Variants in NUBPL observed in about 807,000 individuals in gnomAD.
The protein encoded by NUBPL is NUBP iron-sulfur cluster assembly factor, mitochondrial, also known as iron-sulfur cluster transfer protein NUBPL.
In NUBPL, 31 loss-of-function variants were observed where a neutral mutation model predicts 45.7. The observed-to-expected ratio is 0.68, with a 90% CI of 0.51 to 0.92. The LOEUF (loss-of-function observed/expected upper bound fraction) is 0.92. Among genes scored for constraint, NUBPL ranks in the 40% least tolerant of loss-of-function variants. NUBPL has a pLI of 0.00. For synonymous variants in NUBPL, 144 were observed against 140.9 expected (o/e 1.02, Z -0.15); for missense variants, 401 against 398.7 (o/e 1.01, Z -0.05).
chr14:31,667,006 T>C (rs181247230), intron 4 of NUBPL, among the ~76,000 whole-genome samples: 103 of 152,250 alleles, frequency 6.8e-4, no homozygotes, highest in Admixed American at 2.0e-3. Flanking sequence ...ATTTCAACCT[T>C]GGTGAATCTG....
At chr14:31,623,642 G>A (rs2035128113) in intron 4 of NUBPL, among the ~76,000 whole-genome samples, 1 of 152,164 alleles carries the variant, frequency 6.6e-6, no homozygotes, top group African/African-American at 2.4e-5. Context: ...CTTCTGCTAT[G>A]ATTGTAAGTT....
At chr14:31,608,746 A>G (rs1228445988) in intron 4 of NUBPL, among the ~76,000 whole-genome samples, 1 of 152,116 alleles carries the variant, frequency 6.6e-6, no homozygotes, top group Admixed American at 6.5e-5. Context: ...GCTGCCACTG[A>G]TCTGACAGGA....
intron 4 of NUBPL, among the ~76,000 whole-genome samples, chr14:31,614,684 G>A (rs1006824231): frequency 6.6e-6 from 1 of 152,098 alleles, no homozygotes; most frequent in Non-Finnish European, 1.5e-5. Flanking sequence ...CATTATTTCT[G>A]TTTATTTAGT....
intron 10 of NUBPL, among the ~76,000 whole-genome samples, chr14:31,856,596 TTACTTCCTAGA>T (rs1415331594): frequency 1.3e-5 from 2 of 152,212 alleles, no homozygotes; most frequent in Non-Finnish European, 2.9e-5. Flanking sequence ...AGCAAGTTAG[TTACTTCCTAGA>T]TACAGTGGGG....
intron 7 of NUBPL, among the ~76,000 whole-genome samples, chr14:31,809,778 A>T (rs560959909): frequency 6.6e-6 from 1 of 152,152 alleles, no homozygotes; most frequent in East Asian, 1.9e-4. Context: ...CCCTCTACAC[A>T]CTGCTTTAAA....
chr14:31,599,223 G>C, intron 3 of NUBPL, 66 bp from the exon 4 acceptor site: 4 of 1,208,270 alleles, frequency 3.3e-6, no homozygotes, highest in Non-Finnish European at 4.9e-6. Flanking sequence ...CCTTTGAGAA[G>C]AGTGGGAACA....
In NUBPL at chr14:31,831,468, T is replaced by TATACCATACCATACCATACCATACC. The variant is rs139348463; in HGVS notation, c.693+4779_693+4803dup. Among the ~76,000 whole-genome samples the TATACCATACCATACCATACCATACC allele has an allele frequency of 9.2e-3, 1,311 of 143,152 alleles. 13 individuals are homozygous for TATACCATACCATACCATACCATACC. Among genetic ancestry groups the TATACCATACCATACCATACCATACC allele is most frequent in the South Asian group, 0.01 (43 of 4,218 alleles). The allele number at this position is 143,152 out of a possible 152,430, so 93.9% of individuals were successfully genotyped here. A position where few individuals can be genotyped will look rare whatever the true frequency, so the allele number is the denominator to read the frequency against. On this transcript the variant is annotated intron_variant, in intron 8 of 10. Transcript: ENST00000281081. ...CATACTATGCTATACTATACTGTACTATACCATACCATACCATACCATACC... is the reference window on the plus strand; with the variant it reads ...CATACTATGCTATACTATACTGTACTATACCATACCATACCATACCATACCATACCATACCATACCATACCATACC...
chr14:31,820,418 C>G (rs1403886488), intron 7 of NUBPL, among the ~76,000 whole-genome samples: 1 of 152,102 alleles, frequency 6.6e-6, no homozygotes, highest in Non-Finnish European at 1.5e-5. Flanking sequence ...TTAAATTTAA[C>G]AGGTAGAAAG....
chr14:31,808,686 T>C (rs1322665567), intron 7 of NUBPL, among the ~76,000 whole-genome samples: 2 of 152,202 alleles, frequency 1.3e-5, no homozygotes, highest in African/African-American at 4.8e-5. Flanking sequence ...GGTATCCCTG[T>C]CTTGTGCCAG....
intron 6 of NUBPL, among the ~76,000 whole-genome samples, chr14:31,691,439 TTA>T (rs2037092059): frequency 6.6e-6 from 1 of 152,174 alleles, no homozygotes. Context: ...GAGTCAAAAG[TTA>T]TATGCATATT....
intron 6 of NUBPL, among the ~76,000 whole-genome samples, chr14:31,734,549 A>T (rs1288696914): frequency 1.3e-5 from 2 of 152,178 alleles, no homozygotes; most frequent in Non-Finnish European, 2.9e-5. Flanking sequence ...ATAACAGTTT[A>T]TTGTTAAATT....
At chr14:31,729,271 T>A (rs1193278635) in intron 6 of NUBPL, among the ~76,000 whole-genome samples, 2 of 66,604 alleles carry the variant, frequency 3.0e-5, no homozygotes, top group Admixed American at 1.7e-4. Context: ...AGAGAGATGC[T>A]CCATCCCCCC....
intron 6 of NUBPL, among the ~76,000 whole-genome samples, chr14:31,684,483 C>T (rs761611547): frequency 7.2e-5 from 11 of 152,096 alleles, no homozygotes; most frequent in Non-Finnish European, 1.3e-4. Flanking sequence ...TTTAATTATC[C>T]GTTAGAAGTT....
At chr14:31,769,677 C>G (rs2038974025) in intron 6 of NUBPL, among the ~76,000 whole-genome samples, 1 of 151,076 alleles carries the variant, frequency 6.6e-6, no homozygotes, top group African/African-American at 2.4e-5. Context: ...AAAAAAGCTT[C>G]TTTGTTATTT....
At chr14:31,736,536 C>T (rs901681330) in intron 6 of NUBPL, among the ~76,000 whole-genome samples, 24 of 152,084 alleles carry the variant, frequency 1.6e-4, no homozygotes, top group Non-Finnish European at 2.9e-4. Flanking sequence ...TGCATGAATC[C>T]TCAGTGTATT....
At chr14:31,667,307 A>C (rs2036456484) in intron 4 of NUBPL, among the ~76,000 whole-genome samples, 1 of 151,806 alleles carries the variant, frequency 6.6e-6, no homozygotes. Flanking sequence ...GTTGATCTTC[A>C]ATCTCTGATA....
chr14:31,798,365 A>C (rs1354656342), intron 7 of NUBPL, among the ~76,000 whole-genome samples: 1 of 108,532 alleles, frequency 9.2e-6, no homozygotes, highest in Non-Finnish European at 1.8e-5. Flanking sequence ...GATGCCTTTT[A>C]GTATTCCCTT....
At chr14:31,612,384 G>A (rs2034782417) in intron 4 of NUBPL, among the ~76,000 whole-genome samples, 1 of 152,140 alleles carries the variant, frequency 6.6e-6, no homozygotes, top group South Asian at 2.1e-4. Context: ...TGCTCAACAG[G>A]CTGGGCGCAG....
chr14:31,760,160 A>T (rs1374639474), intron 6 of NUBPL, among the ~76,000 whole-genome samples: 17 of 90,882 alleles, frequency 1.9e-4, no homozygotes, highest in Admixed American at 4.3e-4. Context: ...AGAGAGAGAG[A>T]GAGAGAGAGA....
Sources: allele counts gnomAD v4.1 joint callset (sites outside exome capture counted in the v4.1 genomes callset), GRCh38; gene constraint gnomAD v4.1.1; transcripts MANE v1.5; gene names NCBI Gene and HGNC (gene_info 2026-07-23, HGNC 2026-07-21).